FOXK2: variants seen among roughly 807,000 people sequenced by gnomAD.
The protein encoded by FOXK2 is forkhead box K2.
In FOXK2, 24 loss-of-function variants were observed where a neutral mutation model predicts 53.3. The observed-to-expected ratio is 0.45, with a 90% CI of 0.33 to 0.63. The LOEUF (loss-of-function observed/expected upper bound fraction) is 0.63. Among genes scored for constraint, FOXK2 ranks in the 30% least tolerant of loss-of-function variants. The pLI is 0.03. For synonymous variants in FOXK2, 505 were observed against 407.1 expected (o/e 1.24, Z -2.89); for missense variants, 952 against 910.5 (o/e 1.05, Z -0.59).
At chr17:82,525,963 A>ATGTGGCCTGAATCCCACACTTTCTTC (rs2044414551) in intron 1 of FOXK2, among the ~76,000 whole-genome samples, 1 of 152,032 alleles carries the variant, frequency 6.6e-6, no homozygotes, top group African/African-American at 2.4e-5. Flanking sequence ...TTACTTTCTT[A>ATGTGGCCTGAATCCCACACTTTCTTC]TGTGGCCTGA....
At chr17:82,545,694 A>G (rs146095717) in intron 1 of FOXK2, among the ~76,000 whole-genome samples, 234 of 150,578 alleles carry the variant, frequency 1.6e-3, no homozygotes, top group East Asian at 0.011. Flanking sequence ...CGATTCTCCT[A>G]TCTCAGCCTC....
chr17:82,563,082 C>T (rs763518056), intron 1 of FOXK2, among the ~76,000 whole-genome samples: 1 of 152,182 alleles, frequency 6.6e-6, no homozygotes, highest in Non-Finnish European at 1.5e-5. Flanking sequence ...GCTGGGATTA[C>T]AAGCATGAGC....
chr17:82,552,269 A>G (rs2044684494), intron 1 of FOXK2, among the ~76,000 whole-genome samples: 7 of 152,228 alleles, frequency 4.6e-5, no homozygotes, highest in Admixed American at 3.9e-4. Flanking sequence ...CCGTTTTCCC[A>G]GATTCCCACT....
In FOXK2 at chr17:82,601,303, C is replaced by T; in HGVS notation, c.1787C>T (p.Ala596Val). The part of the protein sequence containing the change: ...PTAVHGQVNN[A>V]AASPLHMLAT... ...TTCTGACTCCCTCGTGTCATTTCAG[C>T]CGCGGCGAGTCCTTTGCACATGTTG... Residue 596 changes from alanine (A) to valine (V), a missense_variant and splice_region_variant, in exon 9 of 9, where the codon GCC becomes GTC. Transcript: ENST00000335255. 6.2e-7 allele frequency: 1 copy of T among 1,609,302 alleles called. No homozygotes were observed. The highest frequency in any genetic ancestry group is 8.5e-7 in the Non-Finnish European group (1 of 1,177,560).
intron 1 of FOXK2, among the ~76,000 whole-genome samples, chr17:82,535,133 G>T (rs1287122830): frequency 6.6e-6 from 1 of 152,230 alleles, no homozygotes. Context: ...ACCTGCCTCA[G>T]CCTCCTAAAG....
At chr17:82,583,918 T>G in intron 5 of FOXK2, 95 bp from the exon 6 acceptor site, 1 of 1,319,774 alleles carries the variant, frequency 7.6e-7, no homozygotes, top group Non-Finnish European at 1.0e-6. Flanking sequence ...AGGAGACAAA[T>G]GACACCCCCT....
chr17:82,586,537 T>G (rs2045169527), intron 7 of FOXK2, among the ~76,000 whole-genome samples: 2 of 100,832 alleles, frequency 2.0e-5, no homozygotes, highest in African/African-American at 5.3e-5. Flanking sequence ...CACAGGGAGG[T>G]CAAAGGTAGG....
chr17:82,560,958 C>T (rs1372392654), intron 1 of FOXK2, among the ~76,000 whole-genome samples: 1 of 152,086 alleles, frequency 6.6e-6, no homozygotes, highest in Non-Finnish European at 1.5e-5. Context: ...TCTTTGTTGG[C>T]CAGGCTAGTC....
At chr17:82,525,458 C>T (rs1451705815) in intron 1 of FOXK2, among the ~76,000 whole-genome samples, 2 of 152,084 alleles carry the variant, frequency 1.3e-5, no homozygotes, top group African/African-American at 2.4e-5. Flanking sequence ...GGATTACAGG[C>T]GTGAGCTACT....
At position 82,601,957 on chromosome 17, in the gene FOXK2, T is replaced by G. The variant is rs1456486788; in HGVS notation, c.*458T>G. 6.4e-6 allele frequency: 1 copy of G among 156,164 alleles called. No individual in the cohort carries two copies. The highest frequency in any genetic ancestry group is 1.4e-5 in the Non-Finnish European group (1 of 70,132). 9.7% of individuals were successfully genotyped at this position (156,164 alleles called of 1,614,324 possible). On this transcript the variant is annotated 3_prime_UTR_variant, in exon 9 of 9. Transcript: ENST00000335255. ...CTTTCTTTACAAAATAATGGGGTCT[T>G]GGGCATTTCACATCACTCCATTTCT...
At chr17:82,546,237 C>T (rs1012972306) in intron 1 of FOXK2, among the ~76,000 whole-genome samples, 6 of 151,508 alleles carry the variant, frequency 4.0e-5, no homozygotes, top group Admixed American at 2.0e-4. Flanking sequence ...CTGCCTCAGC[C>T]TCTTGAGGAG....
At chr17:82,525,954 T>TACTTTCTTATGTGGCCTGAATCCCAC (rs146773422) in intron 1 of FOXK2, among the ~76,000 whole-genome samples, 129,558 of 143,320 alleles carry the variant, frequency 0.9, 58,237 homozygotes, top group East Asian at 0.99. Flanking sequence ...ATCCCACACT[T>TACTTTCTTATGTGGCCTGAATCCCAC]ACTTTCTTAT....
intron 1 of FOXK2, among the ~76,000 whole-genome samples, chr17:82,540,845 T>G (rs572355655): frequency 1.8e-4 from 28 of 152,200 alleles, no homozygotes; most frequent in Non-Finnish European, 3.4e-4. Flanking sequence ...CATTTATTAT[T>G]TTTTTCCCAG....
intron 8 of FOXK2, chr17:82,599,681 T>G (rs1364982069): frequency 6.6e-6 from 1 of 152,224 alleles, no homozygotes; most frequent in Non-Finnish European, 1.5e-5. Flanking sequence ...TATCTGGCCA[T>G]GAGGAGCTGA....
rs2044341673 is a variant in FOXK2 at position 82,519,940 on chromosome 17, G to T, written c.52G>T (p.Gly18Cys). Residue 18 changes from glycine (G) to cysteine (C), a missense_variant, in exon 1 of 9, where the codon GGC becomes TGC. Gly to Cys is a radical substitution (Grantham distance 159). Coordinates refer to ENST00000335255, the MANE Select transcript of FOXK2 (RefSeq NM_004514.4). Reference sequence around the variant, plus strand: ...GGGCGCGGGCACGCCACCCGCGGGCGGCGGGGCCGGGGGCGGCGGGGCCGG... The same window carrying T: ...GGGCGCGGGCACGCCACCCGCGGGCTGCGGGGCCGGGGGCGGCGGGGCCGG... ...LSGAGTPPAG[G>C]GAGGGGAGGG... 2.4e-6 allele frequency: 2 copies of T among 820,212 alleles called. No homozygotes were observed. Among genetic ancestry groups the T allele is most frequent in the South Asian group, 5.1e-5 (1 of 19,668 alleles). The allele number at this position is 820,212 out of a possible 1,614,324, so 50.8% of individuals were successfully genotyped here. A position where few individuals can be genotyped will look rare whatever the true frequency, so the allele number is the denominator to read the frequency against.
At chr17:82,560,042 G>T (rs1253924369) in intron 1 of FOXK2, among the ~76,000 whole-genome samples, 1 of 131,510 alleles carries the variant, frequency 7.6e-6, no homozygotes, top group Non-Finnish European at 1.6e-5. Flanking sequence ...GTCTCGCTCT[G>T]TCGCCCTGGC....
chr17:82,557,916 A>G (rs574339988), intron 1 of FOXK2, among the ~76,000 whole-genome samples: 119 of 152,048 alleles, frequency 7.8e-4, no homozygotes, highest in Middle Eastern at 6.8e-3. Context: ...GCCTCCCTCA[A>G]TGCCGGGATT....
chr17:82,537,917 CAAAAAAAA>C (rs568515827), intron 1 of FOXK2, among the ~76,000 whole-genome samples: 1 of 67,524 alleles, frequency 1.5e-5, no homozygotes, highest in Admixed American at 1.7e-4. Context: ...ACTCTGTCTC[CAAAAAAAA>C]AAAAAAAAAA....
chr17:82,561,179 G>A (rs147870478), intron 1 of FOXK2, among the ~76,000 whole-genome samples: 1 of 152,158 alleles, frequency 6.6e-6, no homozygotes, highest in African/African-American at 2.4e-5. Context: ...AGAGCTGATG[G>A]CACTGGTGGA....
Sources: allele counts gnomAD v4.1 joint callset (sites outside exome capture counted in the v4.1 genomes callset), GRCh38; gene constraint gnomAD v4.1.1; transcripts MANE v1.5; gene names NCBI Gene and HGNC (gene_info 2026-07-23, HGNC 2026-07-21).